Variants in UBR2 observed in about 807,000 individuals in gnomAD.
The protein encoded by UBR2 is ubiquitin protein ligase E3 component n-recognin 2, also known as E3 ubiquitin-protein ligase UBR2.
UBR2 carries 92 observed loss-of-function variants against 247.9 expected under a neutral mutation model. The observed-to-expected ratio is 0.37, with a 90% confidence interval of 0.31 to 0.44. The LOEUF is 0.44. Among genes scored for constraint, UBR2 ranks in the 20% least tolerant of loss-of-function variants. The pLI, the probability that UBR2 is intolerant of heterozygous loss-of-function variation, is 1.00. For synonymous variants in UBR2, 672 were observed against 693.5 expected (o/e 0.97, Z 0.49); for missense variants, 1,613 against 2,112.6 (o/e 0.76, Z 4.64).
At chr6:42,577,478 A>AT (rs1791600091) in intron 2 of UBR2, among the ~76,000 whole-genome samples, 1 of 151,294 alleles carries the variant, frequency 6.6e-6, no homozygotes. Flanking sequence ...TGTGTACTCT[A>AT]TTAGGAAAAG....
At chr6:42,603,566 T>A in intron 4 of UBR2, 22 bp from the exon 5 acceptor site, 1 of 1,537,044 alleles carries the variant, frequency 6.5e-7, no homozygotes, top group Non-Finnish European at 8.7e-7. Flanking sequence ...TCTTTTTCTT[T>A]TTTTTCTGTT....
chr6:42,579,362 C>G (rs1291917981), intron 2 of UBR2, among the ~76,000 whole-genome samples: 2 of 152,130 alleles, frequency 1.3e-5, no homozygotes, highest in East Asian at 3.9e-4. Flanking sequence ...GAAATCCCTC[C>G]CATGATTCAG....
At chr6:42,571,988 A>G (rs1023413823) in intron 1 of UBR2, among the ~76,000 whole-genome samples, 34 of 152,088 alleles carry the variant, frequency 2.2e-4, no homozygotes, top group African/African-American at 7.7e-4. Flanking sequence ...GTCACTCTGA[A>G]GGGAGAGAAT....
chr6:42,617,234 G>C, intron 10 of UBR2, 175 bp from the exon 11 acceptor site: 1 of 1,613,862 alleles, frequency 6.2e-7, no homozygotes. Context: ...CCCCCTTGTT[G>C]TTTAGAATTA....
At chr6:42,627,604 C>T (rs534330526) in intron 11 of UBR2, among the ~76,000 whole-genome samples, 2 of 152,210 alleles carry the variant, frequency 1.3e-5, no homozygotes, top group East Asian at 3.9e-4. Flanking sequence ...TTCAAGCCAA[C>T]CTCCTGCCTC....
intron 23 of UBR2, among the ~76,000 whole-genome samples, chr6:42,651,694 T>C (rs1237722805): frequency 6.6e-6 from 1 of 152,056 alleles, no homozygotes; most frequent in African/African-American, 2.4e-5. Flanking sequence ...ATTCTCCGCG[T>C]TGGCCAGGCT....
At chr6:42,641,188 G>A (rs886252127) in intron 16 of UBR2, among the ~76,000 whole-genome samples, 2 of 152,066 alleles carry the variant, frequency 1.3e-5, no homozygotes, top group Non-Finnish European at 2.9e-5. Flanking sequence ...ATAAGGCCAG[G>A]CACAGTGGCC....
In UBR2 at chr6:42,683,039, T is replaced by A; in HGVS notation, c.4719-16T>A. The A allele has an allele frequency of 6.2e-7, 1 of 1,610,342 alleles. No individual in the cohort carries two copies. On this transcript the variant is annotated splice_polypyrimidine_tract_variant and intron_variant, in intron 42 of 46. Transcript: ENST00000372901. ...TAAAAGTGTTTTGTGTTTTTCCCCC[T>A]CTGTTTACATTAAAGTTGGTGCCGT... is the stretch of plus-strand genomic sequence containing the variant.
chr6:42,649,716 T>C (rs1191453939), intron 22 of UBR2, among the ~76,000 whole-genome samples: 2 of 152,168 alleles, frequency 1.3e-5, no homozygotes, highest in African/African-American at 4.8e-5. Flanking sequence ...TTCTTTATGG[T>C]TGTTTGTCCC....
chr6:42,647,120 C>T (rs1796813356), intron 21 of UBR2, among the ~76,000 whole-genome samples: 1 of 151,898 alleles, frequency 6.6e-6, no homozygotes, highest in African/African-American at 2.4e-5. Context: ...CCACACCTGG[C>T]CGAATGATGA....
chr6:42,612,630 A>G (rs1477975974), intron 8 of UBR2, among the ~76,000 whole-genome samples: 1 of 152,232 alleles, frequency 6.6e-6, no homozygotes, highest in Non-Finnish European at 1.5e-5. Flanking sequence ...AGCATTTTGC[A>G]GAACTCTTCT....
At chr6:42,642,944 G>A (rs568363371) in intron 18 of UBR2, among the ~76,000 whole-genome samples, 34 of 152,182 alleles carry the variant, frequency 2.2e-4, no homozygotes, top group Admixed American at 6.5e-5. Context: ...TAAACTCTGC[G>A]TATTTATTTC....
chr6:42,608,369 TA>T (rs1178021588), intron 7 of UBR2, among the ~76,000 whole-genome samples: 1 of 152,140 alleles, frequency 6.6e-6, no homozygotes, highest in Non-Finnish European at 1.5e-5. Flanking sequence ...TGTAATCCTG[TA>T]ATCCTAGCAT....
intron 2 of UBR2, among the ~76,000 whole-genome samples, chr6:42,587,731 A>G (rs1731180112): frequency 6.6e-6 from 1 of 152,148 alleles, no homozygotes; most frequent in African/African-American, 2.4e-5. Context: ...GCTGTGGACC[A>G]TTGTTGTTGA....
intron 11 of UBR2, chr6:42,620,094 CTT>C: frequency 1.2e-6 from 1 of 841,396 alleles, no homozygotes; most frequent in Non-Finnish European, 1.4e-6. Context: ...CTACCAGACT[CTT>C]TTCCATAATG....
At chr6:42,671,046 G>A (rs1466079858) in intron 36 of UBR2, among the ~76,000 whole-genome samples, 4 of 152,050 alleles carry the variant, frequency 2.6e-5, no homozygotes, top group Non-Finnish European at 4.4e-5. Context: ...TTAGCCAGGC[G>A]TGGTGGCGCA....
chr6:42,663,031 G>T (rs558456178), intron 31 of UBR2, among the ~76,000 whole-genome samples: 49 of 150,428 alleles, frequency 3.3e-4, no homozygotes, highest in Admixed American at 1.5e-3. Flanking sequence ...TTGCTGCTTT[G>T]TGAATGCTTT....
At chr6:42,642,101 A>G (rs1226784808) in intron 17 of UBR2, among the ~76,000 whole-genome samples, 3 of 152,058 alleles carry the variant, frequency 2.0e-5, no homozygotes, top group Non-Finnish European at 4.4e-5. Context: ...AAGATCTGGC[A>G]CATTTGGGGT....
At position 42,641,034 on chromosome 6, in the gene UBR2, A is replaced by G. The variant is rs945627274; in HGVS notation, c.1921-548A>G. ...GCGAGCTACCATGCTCAGCCAGTCTATGATTTAAATGTTAATCATGTGTAA... is the reference window on the plus strand; with the variant it reads ...GCGAGCTACCATGCTCAGCCAGTCTGTGATTTAAATGTTAATCATGTGTAA... On this transcript the variant is annotated intron_variant, in intron 16 of 46. Transcript: ENST00000372901. Among the ~76,000 whole-genome samples the G allele has an allele frequency of 2.6e-5, 4 of 152,148 alleles. No homozygotes were observed. In the South Asian group the frequency reaches 6.2e-4, roughly 24 times the overall value.
Sources: gnomAD v4.1 joint callset for allele counts (sites outside exome capture counted in the v4.1 genomes callset) on GRCh38, gnomAD v4.1.1 for gene constraint, MANE v1.5 for transcripts, NCBI Gene and HGNC (gene_info 2026-07-23, HGNC 2026-07-21) for gene names.